The following FAT4 variants were observed in gnomAD, a reference collection of about 807,000 sequenced individuals.
FAT4 encodes protocadherin Fat 4.
Under a neutral mutation model 303.9 loss-of-function variants are expected in FAT4, and 84 were observed. The ratio of observed to expected loss-of-function variants is 0.28; its 90% confidence interval spans 0.23 to 0.33. FAT4 has a LOEUF of 0.33. Among genes scored for constraint, FAT4 ranks in the 10% least tolerant of loss-of-function variants. The pLI, the probability that FAT4 is intolerant of heterozygous loss-of-function variation, is 1.00. For synonymous variants in FAT4, 2,307 were observed against 2,298.8 expected (o/e 1.00, Z -0.10); for missense variants, 6,005 against 6,146.8 (o/e 0.98, Z 0.77).
chr4:125,481,435 C>T, intron 15 of FAT4, 86 bp from the exon 16 acceptor site: 1 of 1,144,362 alleles, frequency 8.7e-7, no homozygotes, highest in South Asian at 1.4e-5. Flanking sequence ...TTTCATTGTC[C>T]TTTTTATATT....
chr4:125,365,555 C>T (rs190221787), intron 2 of FAT4, among the ~76,000 whole-genome samples: 3 of 152,146 alleles, frequency 2.0e-5, no homozygotes, highest in East Asian at 1.9e-4. Flanking sequence ...TTATTTCTGA[C>T]GAGAGAGCTA....
intron 2 of FAT4, among the ~76,000 whole-genome samples, chr4:125,385,028 T>A (rs558427749): frequency 0.011 from 1,408 of 134,012 alleles, 15 homozygotes; most frequent in African/African-American, 0.03. Context: ...ATATATATTT[T>A]TTTTTTTTTT....
At position 125,479,922 on chromosome 4, in the gene FAT4, A is replaced by T. The variant is rs1578692276; in HGVS notation, c.12604+57A>T. 10 of 1,360,756 alleles carry T rather than the reference A, an allele frequency of 7.3e-6. 1 individual carries two copies. Among genetic ancestry groups the T allele is most frequent in the Middle Eastern group, 1.9e-4 (1 of 5,218 alleles). The allele number at this position is 1,360,756 out of a possible 1,614,324, so 84.3% of individuals were successfully genotyped here. On this transcript the variant is annotated intron_variant, in intron 15 of 17. Coordinates refer to ENST00000394329, the MANE Select transcript of FAT4 (RefSeq NM_001291303.3). ...TTTTAATAACTATGAAAAGTAAAATATATGCACCCAAGTATGTAATCAAAT... is the reference window on the plus strand; with the variant it reads ...TTTTAATAACTATGAAAAGTAAAATTTATGCACCCAAGTATGTAATCAAAT...
chr4:125,429,019 T>C (rs1419954663), intron 7 of FAT4, among the ~76,000 whole-genome samples: 3 of 152,172 alleles, frequency 2.0e-5, no homozygotes, highest in African/African-American at 4.8e-5. Context: ...ATATAATTCA[T>C]CATTATCAGA....
At chr4:125,389,643 T>C (rs1218910014) in intron 2 of FAT4, among the ~76,000 whole-genome samples, 1 of 152,156 alleles carries the variant, frequency 6.6e-6, no homozygotes, top group Non-Finnish European at 1.5e-5. Flanking sequence ...CAGTCTTTCA[T>C]AGAATGAGTT....
At chr4:125,486,237 T>A (rs1727408227) in intron 16 of FAT4, among the ~76,000 whole-genome samples, 1 of 151,950 alleles carries the variant, frequency 6.6e-6, no homozygotes, top group South Asian at 2.1e-4. Flanking sequence ...GATGAAATGT[T>A]ATTGTCATTT....
At chr4:125,358,269 T>C (rs1732514264) in intron 2 of FAT4, among the ~76,000 whole-genome samples, 1 of 152,108 alleles carries the variant, frequency 6.6e-6, no homozygotes, top group African/African-American at 2.4e-5. Context: ...GGGACCGGTT[T>C]CATGGAAGAC....
Position 125,452,097 on chromosome 4 carries a change from C to G in FAT4, c.11087C>G (p.Thr3696Arg), listed in dbSNP as rs770708836. The G allele has an allele frequency of 6.2e-7, 1 of 1,614,148 alleles. No individual in the cohort carries two copies. Among genetic ancestry groups the G allele is most frequent in the Admixed American group, 1.7e-5 (1 of 60,016 alleles). ...LSNDGVHSTV[T>R]SNIRVFFAGF... ...AATGATGGAGTTCACAGCACAGTCA[C>G]GAGCAACATCCGAGTTTTCTTTGCT... Residue 3696 changes from threonine (T) to arginine (R), a missense_variant, in exon 10 of 18, where the codon ACG becomes AGG. Physicochemically the swap from Thr to Arg is moderately conservative, Grantham distance 71. Transcript: ENST00000394329.
intron 3 of FAT4, among the ~76,000 whole-genome samples, chr4:125,402,087 C>T (rs1734409656): frequency 6.6e-6 from 1 of 151,766 alleles, no homozygotes; most frequent in Admixed American, 6.6e-5. Flanking sequence ...ATGAATTCAC[C>T]ACATCAGCTG....
intron 11 of FAT4, among the ~76,000 whole-genome samples, chr4:125,464,919 A>C (rs921000273): frequency 6.6e-6 from 1 of 152,086 alleles, no homozygotes; most frequent in East Asian, 1.9e-4. Flanking sequence ...GTAAAGCTCA[A>C]TCTATAGTAG....
intron 7 of FAT4, among the ~76,000 whole-genome samples, chr4:125,431,709 T>C (rs1725289326): frequency 6.6e-6 from 1 of 152,116 alleles, no homozygotes; most frequent in Admixed American, 6.5e-5. Context: ...GAGTGAAATA[T>C]CAGTAAAAGA....
intron 2 of FAT4, among the ~76,000 whole-genome samples, chr4:125,357,199 C>T (rs975575068): frequency 8.6e-5 from 13 of 151,924 alleles, no homozygotes; most frequent in Admixed American, 2.0e-4. Context: ...CAAAAAGAAG[C>T]GTTGAAACCT....
At chr4:125,364,276 G>T (rs934562442) in intron 2 of FAT4, among the ~76,000 whole-genome samples, 3 of 151,530 alleles carry the variant, frequency 2.0e-5, no homozygotes, top group Admixed American at 2.0e-4. Context: ...AGTGATTCTT[G>T]TAGTAATCTT....
Position 125,403,875 on chromosome 4 carries a change from T to G in FAT4, c.5308-3005T>G, listed in dbSNP as rs151066815. Among the ~76,000 whole-genome samples the G allele has an allele frequency of 1.5e-4, 23 of 152,260 alleles. No individual in the cohort carries two copies. The East Asian group carries it at 4.0e-3, about 27-fold the overall frequency. On this transcript the variant is annotated intron_variant, in intron 3 of 17. Transcript: ENST00000394329. ...TGAGCAAATGAGAGAGCTATTAGTA[T>G]TATTTCTATTTTCAATAATCTGTCA...
chr4:125,440,644 A>AGAGAGAGAGAGAGAGC (rs1385928096), intron 8 of FAT4, among the ~76,000 whole-genome samples: 1 of 149,578 alleles, frequency 6.7e-6, no homozygotes, highest in Non-Finnish European at 1.5e-5. Context: ...AGAGAGAGAG[A>AGAGAGAGAGAGAGAGC]ATTTATTCCA....
Position 125,490,900 on chromosome 4 carries a change from C to T in FAT4, c.14084C>T (p.Pro4695Leu). The T allele has an allele frequency of 6.2e-7, 1 of 1,614,220 alleles. No individual in the cohort carries two copies. The highest frequency in any genetic ancestry group is 8.5e-7 in the Non-Finnish European group (1 of 1,180,034). The change falls in exon 18 of 18, where the codon CCA (proline) becomes CTA (leucine). Residue 4695 changes from proline (P) to leucine (L), a missense_variant. Physicochemically the swap from Pro to Leu is moderately conservative, Grantham distance 98 (BLOSUM62 -3). Transcript: ENST00000394329. Reference protein sequence around the residue: ...RTSSLSHSACPTPNPLSRHSP... With the variant: ...RTSSLSHSACLTPNPLSRHSP... ...AGCTCCCTAAGCCACTCAGCATGCC[C>T]AACTCCCAACCCTCTGTCTCGACAC...
At chr4:125,386,079 ATAGT>A (rs1733738506) in intron 2 of FAT4, among the ~76,000 whole-genome samples, 2 of 152,232 alleles carry the variant, frequency 1.3e-5, no homozygotes, top group East Asian at 3.9e-4. Context: ...TGTAATTGTA[ATAGT>A]TGGTTCACCT....
chr4:125,359,919 A>G (rs1732588433), intron 2 of FAT4, among the ~76,000 whole-genome samples: 1 of 152,140 alleles, frequency 6.6e-6, no homozygotes, highest in Non-Finnish European at 1.5e-5. Flanking sequence ...CAAAGATTAC[A>G]GTGCTTAATC....
chr4:125,484,002 TTC>T (rs67727570), intron 16 of FAT4, among the ~76,000 whole-genome samples: 1 of 129,822 alleles, frequency 7.7e-6, no homozygotes, highest in Admixed American at 8.0e-5. Flanking sequence ...ATGGTTTGCA[TTC>T]TCTCTCTCTC....
Sources: gnomAD v4.1 joint callset for allele counts (sites outside exome capture counted in the v4.1 genomes callset) on GRCh38, gnomAD v4.1.1 for gene constraint, MANE v1.5 for transcripts, NCBI Gene and HGNC (gene_info 2026-07-23, HGNC 2026-07-21) for gene names.